Variants in SHANK2 observed in about 807,000 individuals in gnomAD.
SHANK2 encodes the protein SH3 and multiple ankyrin repeat domains 2.
SHANK2 carries 43 observed loss-of-function variants against 133.7 expected under a neutral mutation model. That is an observed-to-expected ratio of 0.32 (90% CI 0.25 to 0.41). SHANK2 has a LOEUF of 0.41. Ranked by LOEUF, SHANK2 falls within the 10% of genes least tolerant of loss-of-function variation. The pLI is 1.00. For missense variants in SHANK2, 1,994 were observed against 2,235.8 expected (o/e 0.89, Z 2.18); for synonymous variants, 1,017 against 952.8 (o/e 1.07, Z -1.24).
At chr11:70,632,216 G>C (rs1422416519) in intron 17 of SHANK2, among the ~76,000 whole-genome samples, 1 of 152,072 alleles carries the variant, frequency 6.6e-6, no homozygotes, top group Non-Finnish European at 1.5e-5. Context: ...CTGCCTCCCG[G>C]GTTCATGCCA....
At chr11:70,522,353 C>T (rs1243628270) in intron 17 of SHANK2, among the ~76,000 whole-genome samples, 1 of 152,164 alleles carries the variant, frequency 6.6e-6, no homozygotes, top group Non-Finnish European at 1.5e-5. Flanking sequence ...GCCAATCAAA[C>T]CTCTAAAAAT....
At chr11:70,817,410 A>G (rs373611464) in intron 12 of SHANK2, among the ~76,000 whole-genome samples, 4 of 152,196 alleles carry the variant, frequency 2.6e-5, no homozygotes, top group African/African-American at 9.6e-5. Flanking sequence ...CAAGGCCAAG[A>G]AAGAAGGGAC....
chr11:70,626,514 A>G (rs1220680670), intron 17 of SHANK2, among the ~76,000 whole-genome samples: 1 of 152,188 alleles, frequency 6.6e-6, no homozygotes, highest in East Asian at 1.9e-4. Flanking sequence ...CACAAAGCCC[A>G]TTGGACTGCA....
In SHANK2 at chr11:70,485,773, G is replaced by C; in HGVS notation, c.4520C>G (p.Thr1507Ser). 1 of 1,613,994 alleles carries C rather than the reference G, an allele frequency of 6.2e-7. No individual in the cohort carries two copies. Among genetic ancestry groups the C allele is most frequent in the Non-Finnish European group, 8.5e-7 (1 of 1,180,022 alleles). The change falls in exon 25 of 26, where the codon ACC becomes AGC. Residue 1507 changes from threonine to serine, a missense_variant. Thr to Ser is a moderately conservative substitution (Grantham distance 58). Transcript: ENST00000601538. This position sits in a 1 kb window ranked among gnomAD's most constrained non-coding sequence, Gnocchi z 5.8. ...RSSSDHHLET[T>S]STISTVSSIS... ...GCTAGACACGGTGGAGATAGTGCTGGTCGTCTCGAGGTGGTGGTCGCTGCT... is the reference window on the plus strand; with the variant it reads ...GCTAGACACGGTGGAGATAGTGCTGCTCGTCTCGAGGTGGTGGTCGCTGCT...
intron 11 of SHANK2, among the ~76,000 whole-genome samples, chr11:70,884,662 G>A (rs868979474): frequency 2.0e-5 from 3 of 152,196 alleles, no homozygotes; most frequent in Admixed American, 2.0e-4. Context: ...CCCCCCCACC[G>A]AGTGTTCCTG....
At chr11:70,869,794 T>C (rs782091037) in intron 11 of SHANK2, among the ~76,000 whole-genome samples, 3 of 152,132 alleles carry the variant, frequency 2.0e-5, no homozygotes, top group Non-Finnish European at 4.4e-5. Flanking sequence ...TGTTGGAAGA[T>C]GGGATGAGAA....
At chr11:71,195,736 T>G (rs1953891612) in intron 2 of SHANK2, among the ~76,000 whole-genome samples, 1 of 152,098 alleles carries the variant, frequency 6.6e-6, no homozygotes, top group Admixed American at 6.5e-5. Flanking sequence ...TTAAAAAAAG[T>G]TTTTGAATGT....
chr11:70,682,212 G>C (rs946328878), intron 15 of SHANK2, among the ~76,000 whole-genome samples: 1 of 152,158 alleles, frequency 6.6e-6, no homozygotes, highest in African/African-American at 2.4e-5. Context: ...GGAAATATTT[G>C]AGCCATCTCC....
chr11:70,765,455 C>T (rs924183400), intron 14 of SHANK2, among the ~76,000 whole-genome samples: 18 of 152,204 alleles, frequency 1.2e-4, no homozygotes, highest in Admixed American at 3.3e-4. Context: ...GGAGTTCATA[C>T]AGACAACACC....
chr11:70,597,043 T>A (rs2060411320), intron 17 of SHANK2, among the ~76,000 whole-genome samples: 2 of 152,056 alleles, frequency 1.3e-5, no homozygotes, highest in Admixed American at 1.3e-4. Context: ...AGCGCAGACA[T>A]CCTCAGACCC....
intron 11 of SHANK2, among the ~76,000 whole-genome samples, chr11:70,834,035 G>C (rs377453678): frequency 6.6e-6 from 1 of 152,256 alleles, no homozygotes; most frequent in Non-Finnish European, 1.5e-5. Flanking sequence ...AAAACCCTGA[G>C]TGTGATCACA....
At chr11:70,905,295 T>G (rs1446791514) in intron 10 of SHANK2, among the ~76,000 whole-genome samples, 1 of 152,192 alleles carries the variant, frequency 6.6e-6, no homozygotes, top group African/African-American at 2.4e-5. Context: ...CAGCACTGTG[T>G]GCAAAATACC....
intron 10 of SHANK2, chr11:70,952,876 C>T (rs115069810): frequency 1.6e-4 from 53 of 341,120 alleles, no homozygotes; most frequent in African/African-American, 1.1e-3. Flanking sequence ...ACCTTCCATG[C>T]AGTCCTGTAA....
chr11:70,942,978 G>T, intron 10 of SHANK2: 1 of 448,834 alleles, frequency 2.2e-6, no homozygotes, highest in Non-Finnish European at 4.5e-6. Flanking sequence ...AGTTTAGCTT[G>T]GGAGACTTAT....
intron 3 of SHANK2, among the ~76,000 whole-genome samples, chr11:71,131,276 G>A (rs1952301314): frequency 1.3e-5 from 2 of 152,208 alleles, no homozygotes; most frequent in African/African-American, 4.8e-5. Context: ...CCCGGCACGG[G>A]TAACACACGA....
intron 11 of SHANK2, among the ~76,000 whole-genome samples, chr11:70,842,609 G>C (rs545558150): frequency 6.6e-6 from 1 of 152,340 alleles, no homozygotes; most frequent in African/African-American, 2.4e-5. Context: ...TCCTGCCCTG[G>C]AGCGAGCATG....
chr11:71,082,910 T>G (rs1440125365), intron 8 of SHANK2, among the ~76,000 whole-genome samples: 3 of 151,906 alleles, frequency 2.0e-5, no homozygotes, highest in Admixed American at 2.0e-4. Context: ...TGGTAGGCAC[T>G]CTCTGAATAC....
intron 1 of SHANK2, among the ~76,000 whole-genome samples, chr11:71,250,131 G>A (rs1202760727): frequency 6.6e-6 from 1 of 151,824 alleles, no homozygotes; most frequent in Non-Finnish European, 1.5e-5. Context: ...CGGGGGTGGG[G>A]GGGAATCTAA....
intron 17 of SHANK2, among the ~76,000 whole-genome samples, chr11:70,540,255 G>A (rs2059602119): frequency 6.6e-6 from 1 of 152,178 alleles, no homozygotes; most frequent in Non-Finnish European, 1.5e-5. Flanking sequence ...CCAGGCCAGT[G>A]TCCCCAAGAG....
Sources: gnomAD v4.1 joint callset for allele counts (sites outside exome capture counted in the v4.1 genomes callset) on GRCh38, gnomAD v4.1.1 for gene constraint, Gnocchi (gnomAD v3.1) non-coding constraint, MANE v1.5 for transcripts, NCBI Gene and HGNC (gene_info 2026-07-23, HGNC 2026-07-21) for gene names.